GALNT13: variants seen among roughly 807,000 people sequenced by gnomAD.
The protein encoded by GALNT13 is polypeptide N-acetylgalactosaminyltransferase 13, also known as UDP-GalNAc:polypeptide N-acetylgalactosaminyltransferase 13.
In GALNT13, 28 loss-of-function variants were observed where a neutral mutation model predicts 64.2. The observed-to-expected ratio is 0.44, with a 90% confidence interval of 0.32 to 0.60. GALNT13 has a LOEUF of 0.60. Ranked by LOEUF, GALNT13 falls within the 20% of genes least tolerant of loss-of-function variation. GALNT13 has a pLI of 0.05. For missense variants in GALNT13, 577 were observed against 669.8 expected, an observed-to-expected ratio of 0.86 and a Z score of 1.53; for synonymous variants, 214 against 224.6, an observed-to-expected ratio of 0.95 and a Z score of 0.42.
At chr2:153,619,273 T>A in the GALNT13 span, among the ~76,000 whole-genome samples, 6 of 152,068 alleles carry the variant, frequency 3.9e-5, no homozygotes, top group African/African-American at 1.4e-4. Flanking sequence ...GACCTAACAC[T>A]ATTTGCTTAA....
chr2:153,916,411 C>A (rs1689350498), intron 2 of GALNT13, among the ~76,000 whole-genome samples: 1 of 152,092 alleles, frequency 6.6e-6, no homozygotes, highest in South Asian at 2.1e-4. Flanking sequence ...CCTGCCTCAG[C>A]CTCCCAAACT....
chr2:153,130,076 A>G, the GALNT13 span, among the ~76,000 whole-genome samples: 1 of 152,078 alleles, frequency 6.6e-6, no homozygotes, highest in Non-Finnish European at 1.5e-5. Flanking sequence ...TCCCCTACCT[A>G]ATACCAAGTG....
chr2:154,445,921 A>T (rs1314981646), intron 12 of GALNT13: 3 of 631,742 alleles, frequency 4.7e-6, no homozygotes, highest in Non-Finnish European at 7.6e-6. Context: ...AGAAACAGAC[A>T]GATAAATTAA....
At chr2:153,461,274 CAA>C in the GALNT13 span, among the ~76,000 whole-genome samples, 1 of 151,826 alleles carries the variant, frequency 6.6e-6, no homozygotes, top group Non-Finnish European at 1.5e-5. Flanking sequence ...GGAAAGAACT[CAA>C]AAAATGGAGA....
chr2:153,640,367 T>C, the GALNT13 span, among the ~76,000 whole-genome samples: 8 of 152,100 alleles, frequency 5.3e-5, no homozygotes, highest in African/African-American at 1.9e-4. Flanking sequence ...ATACTGTTTT[T>C]GAGAAAGATT....
the GALNT13 span, among the ~76,000 whole-genome samples, chr2:153,263,229 C>T: frequency 6.6e-6 from 1 of 152,088 alleles, no homozygotes; most frequent in East Asian, 1.9e-4. Flanking sequence ...CCTAGGAATA[C>T]AGCTAACAAG....
At chr2:153,284,030 G>A in the GALNT13 span, among the ~76,000 whole-genome samples, 15 of 152,286 alleles carry the variant, frequency 9.8e-5, no homozygotes, top group Admixed American at 3.9e-4. Context: ...CTGCCTGGGC[G>A]TGGAGCTGAG....
At chr2:153,495,362 A>C in the GALNT13 span, among the ~76,000 whole-genome samples, 1 of 152,256 alleles carries the variant, frequency 6.6e-6, no homozygotes, top group Non-Finnish European at 1.5e-5. Flanking sequence ...AAATAAAAAG[A>C]CTAATTCATT....
chr2:154,024,723 C>G (rs943733926), intron 3 of GALNT13, among the ~76,000 whole-genome samples: 1 of 152,132 alleles, frequency 6.6e-6, no homozygotes, highest in African/African-American at 2.4e-5. Flanking sequence ...CAGCTTTGTT[C>G]CGTTGCTGGT....
the GALNT13 span, among the ~76,000 whole-genome samples, chr2:153,756,144 A>G: frequency 2.0e-5 from 3 of 152,260 alleles, no homozygotes; most frequent in Non-Finnish European, 4.4e-5. Context: ...GGAAATAAAT[A>G]GCATTTAAGC....
chr2:154,179,971 A>G (rs547490893), intron 4 of GALNT13, among the ~76,000 whole-genome samples: 2 of 152,274 alleles, frequency 1.3e-5, no homozygotes, highest in East Asian at 1.9e-4. Context: ...CTTAGAGTGC[A>G]TTTTATTATG....
the GALNT13 span, among the ~76,000 whole-genome samples, chr2:153,532,407 G>C: frequency 6.6e-6 from 1 of 152,096 alleles, no homozygotes; most frequent in Non-Finnish European, 1.5e-5. Flanking sequence ...CCCTGGGCCT[G>C]ACACAAAAGA....
chr2:153,896,359 T>TA (rs1288982850), intron 1 of GALNT13, among the ~76,000 whole-genome samples: 8 of 150,920 alleles, frequency 5.3e-5, no homozygotes, highest in African/African-American at 1.9e-4. Context: ...CTGTATTTTA[T>TA]ATATTTAATA....
intron 4 of GALNT13, among the ~76,000 whole-genome samples, chr2:154,159,421 C>A: frequency 6.6e-6 from 1 of 152,168 alleles, no homozygotes; most frequent in East Asian, 1.9e-4. Context: ...AGGCATGAGA[C>A]ACCGTGCCTG....
intron 1 of GALNT13, among the ~76,000 whole-genome samples, chr2:153,893,889 A>G (rs1178988347): frequency 2.0e-5 from 3 of 152,130 alleles, no homozygotes; most frequent in Admixed American, 6.6e-5. Context: ...GAATGGGTCA[A>G]AAAGTAAGGA....
At chr2:154,108,438 AT>A (rs529544055) in intron 3 of GALNT13, among the ~76,000 whole-genome samples, 1 of 151,502 alleles carries the variant, frequency 6.6e-6, no homozygotes, top group Non-Finnish European at 1.5e-5. Context: ...TTTCTTGCCC[AT>A]TTTTTTGTTT....
intron 1 of GALNT13, among the ~76,000 whole-genome samples, chr2:153,899,160 T>A (rs764870134): frequency 7.9e-5 from 12 of 152,208 alleles, no homozygotes; most frequent in Non-Finnish European, 1.2e-4. Context: ...GTGGTTTTCA[T>A]GCCCCCAGTT....
chr2:154,237,713 G>A (rs888103920), intron 4 of GALNT13, among the ~76,000 whole-genome samples: 1 of 151,458 alleles, frequency 6.6e-6, no homozygotes, highest in African/African-American at 2.4e-5. Context: ...AAATTAGCAT[G>A]AGTTTTTCAA....
chr2:153,898,474 A>T (rs1332005484), intron 1 of GALNT13, among the ~76,000 whole-genome samples: 2 of 152,110 alleles, frequency 1.3e-5, no homozygotes, highest in African/African-American at 4.8e-5. Context: ...CAGTTTATCC[A>T]ATTAAATTGA....
Sources: gnomAD v4.1 joint callset for allele counts (sites outside exome capture counted in the v4.1 genomes callset) on GRCh38, gnomAD v4.1.1 for gene constraint, MANE v1.5 for transcripts, NCBI Gene and HGNC (gene_info 2026-07-23, HGNC 2026-07-21) for gene names.